Variants in DOCK4 observed in about 807,000 individuals in gnomAD.
DOCK4 encodes dedicator of cytokinesis 4, also known as dedicator of cytokinesis protein 4.
DOCK4 carries 97 observed loss-of-function variants against 268.1 expected under a neutral mutation model. The observed-to-expected ratio is 0.36, with a 90% CI of 0.31 to 0.43. The LOEUF (loss-of-function observed/expected upper bound fraction) is 0.43, where lower values mean the gene tolerates loss of function less well. DOCK4 is among the 20% of genes least tolerant of loss of function. The pLI is 1.00. For missense variants in DOCK4, 2,145 were observed against 2,455.7 expected (o/e 0.87, Z 2.67); for synonymous variants, 954 against 887.2 (o/e 1.08, Z -1.34).
rs1563052180 is a variant in DOCK4 at position 112,066,696 on chromosome 7, T to TACAC, written c.38-62566_38-62565insGTGT. ...ATATACATATATACATATACATATA[T>TACAC]ATATATATATATATATATATATATA... is the stretch of plus-strand genomic sequence containing the variant. On this transcript the variant is annotated intron_variant, in intron 1 of 52. Transcript: ENST00000428084. Among the ~76,000 whole-genome samples, 118 of 20,784 alleles carry TACAC rather than the reference T, an allele frequency of 5.7e-3. 5 individuals carry two copies. The highest frequency in any genetic ancestry group is 0.017 in the African/African-American group (109 of 6,266). 13.6% of individuals were successfully genotyped at this position (20,784 alleles called of 152,430 possible).
intron 23 of DOCK4, among the ~76,000 whole-genome samples, chr7:111,858,613 A>G (rs1467405798): frequency 2.0e-5 from 3 of 152,168 alleles, no homozygotes; most frequent in Non-Finnish European, 4.4e-5. Context: ...CTTGAACTGT[A>G]ACTTATACCA....
At chr7:111,924,119 T>G (rs1793394971) in intron 12 of DOCK4, among the ~76,000 whole-genome samples, 1 of 152,224 alleles carries the variant, frequency 6.6e-6, no homozygotes, top group African/African-American at 2.4e-5. Context: ...TTCTTTTTCA[T>G]TAGAAATCTC....
chr7:111,875,541 T>C (rs563865862), intron 17 of DOCK4, among the ~76,000 whole-genome samples: 70 of 152,244 alleles, frequency 4.6e-4, no homozygotes, highest in Non-Finnish European at 9.0e-4. Flanking sequence ...TGTACAGATC[T>C]GATTAAAGAT....
chr7:112,096,920 G>A (rs1810196342), intron 1 of DOCK4, among the ~76,000 whole-genome samples: 1 of 152,158 alleles, frequency 6.6e-6, no homozygotes, highest in Non-Finnish European at 1.5e-5. Context: ...GCATAAAAGG[G>A]GCCGAGCAGC....
chr7:111,938,524 G>C (rs2134744204), intron 11 of DOCK4, among the ~76,000 whole-genome samples: 1 of 152,314 alleles, frequency 6.6e-6, no homozygotes, highest in African/African-American at 2.4e-5. Flanking sequence ...TGAAGATGTT[G>C]CTGTATATTA....
At chr7:111,815,259 C>T (rs947143833) in intron 27 of DOCK4, among the ~76,000 whole-genome samples, 1 of 152,138 alleles carries the variant, frequency 6.6e-6, no homozygotes, top group East Asian at 1.9e-4. Flanking sequence ...AAATGCTTTT[C>T]TTTCATACCT....
chr7:111,791,392 G>GA (rs978741830), intron 30 of DOCK4, among the ~76,000 whole-genome samples: 2 of 150,684 alleles, frequency 1.3e-5, no homozygotes, highest in Admixed American at 6.6e-5. Context: ...TTTTTTATAT[G>GA]AAAAAAGGTG....
At chr7:112,000,597 A>G in intron 2 of DOCK4, 63 bp from the exon 3 acceptor site, 3 of 1,220,314 alleles carry the variant, frequency 2.5e-6, no homozygotes, top group Middle Eastern at 4.0e-4. Context: ...AGATAATAAC[A>G]AATCAATCTG....
At position 112,147,795 on chromosome 7, in the gene DOCK4, A is replaced by ATTTT. The variant is rs553280609; in HGVS notation, c.37+58303_37+58306dup. ...GAACAATTCCCAGGAGCAAACGTAGATTTTTTTTTTTTTTTTTTTTTTTTT... is the reference window on the plus strand; with the variant it reads ...GAACAATTCCCAGGAGCAAACGTAGATTTTTTTTTTTTTTTTTTTTTTTTTTTTT... On this transcript the variant is annotated intron_variant, in intron 1 of 52. Coordinates refer to ENST00000428084, the MANE Select transcript of DOCK4 (RefSeq NM_001363540.2). 6.1e-4 allele frequency among the ~76,000 whole-genome samples: 63 copies of ATTTT among 102,884 alleles called. 1 individual carries two copies. The highest frequency in any genetic ancestry group is 1.9e-3 in the African/African-American group (51 of 26,212). 67.5% of individuals were successfully genotyped at this position (102,884 alleles called of 152,430 possible).
At chr7:111,893,757 G>C (rs1342075837) in intron 16 of DOCK4, among the ~76,000 whole-genome samples, 1 of 152,178 alleles carries the variant, frequency 6.6e-6, no homozygotes, top group Non-Finnish European at 1.5e-5. Flanking sequence ...TATGAAGAGA[G>C]AACGTAAAGG....
chr7:112,078,130 A>G (rs1808250343), intron 1 of DOCK4, among the ~76,000 whole-genome samples: 1 of 152,174 alleles, frequency 6.6e-6, no homozygotes, highest in Non-Finnish European at 1.5e-5. Flanking sequence ...AATTCATCAA[A>G]TTTCTCATAA....
chr7:111,847,572 TTGG>T (rs780013566), intron 23 of DOCK4, among the ~76,000 whole-genome samples: 12 of 152,196 alleles, frequency 7.9e-5, no homozygotes, highest in Non-Finnish European at 1.8e-4. Flanking sequence ...TGGGAGGGAC[TTGG>T]TGGGAGATAA....
chr7:111,851,219 T>TG (rs985492497), intron 23 of DOCK4, among the ~76,000 whole-genome samples: 4 of 152,028 alleles, frequency 2.6e-5, no homozygotes, highest in African/African-American at 9.6e-5. Context: ...CTGAGACGGG[T>TG]GGATCACGAG....
intron 1 of DOCK4, among the ~76,000 whole-genome samples, chr7:112,082,859 C>G (rs1808728012): frequency 1.3e-5 from 2 of 151,974 alleles, no homozygotes; most frequent in Non-Finnish European, 2.9e-5. Context: ...TGGTAAAATC[C>G]TACCCATATG....
chr7:112,196,624 GGT>G (rs1296560130), intron 1 of DOCK4, among the ~76,000 whole-genome samples: 1 of 152,124 alleles, frequency 6.6e-6, no homozygotes, highest in Non-Finnish European at 1.5e-5. Flanking sequence ...GTATTGACCT[GGT>G]CTCTAAGCTG....
chr7:111,994,446 T>A (rs1799768194), intron 4 of DOCK4, among the ~76,000 whole-genome samples: 1 of 152,108 alleles, frequency 6.6e-6, no homozygotes, highest in African/African-American at 2.4e-5. Flanking sequence ...CAGATCAAGT[T>A]TGAGCAGCGT....
At chr7:112,197,828 G>A (rs1454998168) in intron 1 of DOCK4, among the ~76,000 whole-genome samples, 2 of 152,112 alleles carry the variant, frequency 1.3e-5, no homozygotes, top group Admixed American at 6.6e-5. Flanking sequence ...CTTCAGCACA[G>A]AACTTCTCTT....
chr7:112,137,574 C>G (rs1013056551), intron 1 of DOCK4, among the ~76,000 whole-genome samples: 1 of 152,174 alleles, frequency 6.6e-6, no homozygotes, highest in Non-Finnish European at 1.5e-5. Context: ...TAATAGGCAG[C>G]AATTTTTCTG....
chr7:111,827,467 A>T (rs117150588), intron 26 of DOCK4, among the ~76,000 whole-genome samples: 108 of 152,312 alleles, frequency 7.1e-4, no homozygotes, highest in Non-Finnish European at 1.3e-3. Context: ...CATCAAAAAC[A>T]CAAGGAAATG....
Sources: gnomAD v4.1 joint callset for allele counts (sites outside exome capture counted in the v4.1 genomes callset) on GRCh38, gnomAD v4.1.1 for gene constraint, MANE v1.5 for transcripts, NCBI Gene and HGNC (gene_info 2026-07-23, HGNC 2026-07-21) for gene names.